CCDC83: variants seen among roughly 807,000 people sequenced by gnomAD.
CCDC83 encodes the protein coiled-coil domain-containing protein 83.
CCDC83 carries 54 observed loss-of-function variants against 50.1 expected under a neutral mutation model. The observed-to-expected ratio is 1.08, with a 90% CI of 0.87 to 1.35. The LOEUF (loss-of-function observed/expected upper bound fraction) is 1.35. Ranked by LOEUF, CCDC83 falls within the 40% of genes most tolerant of loss-of-function variation. CCDC83 has a pLI of 0.00. For synonymous variants in CCDC83, 161 were observed against 153.3 expected, an observed-to-expected ratio of 1.05 and a Z score of -0.37; for missense variants, 518 against 473.9, an observed-to-expected ratio of 1.09 and a Z score of -0.86.
At chr11:85,900,329 C>A (rs900356815) in intron 7 of CCDC83, among the ~76,000 whole-genome samples, 2 of 152,172 alleles carry the variant, frequency 1.3e-5, no homozygotes, top group African/African-American at 2.4e-5. Context: ...GAACACTAAA[C>A]AAATTATCAG....
rs1011128783 is a variant in CCDC83 at position 85,915,499 on chromosome 11, G to A, written c.874+1G>A. 1.0e-5 allele frequency: 16 copies of A among 1,591,218 alleles called. No individual in the cohort carries two copies. Among genetic ancestry groups the A allele is most frequent in the African/African-American group, 1.4e-5 (1 of 73,974 alleles). On this transcript the variant is annotated splice_donor_variant, in intron 9 of 10. Transcript: ENST00000342404. LOFTEE classifies it high-confidence loss of function. Reference sequence around the variant, plus strand: ...TTGGAATTGCCAGAAACACATATAGGTATTACTTTATTGCAATAATGATGA... The same window carrying A: ...TTGGAATTGCCAGAAACACATATAGATATTACTTTATTGCAATAATGATGA...
At position 85,882,556 on chromosome 11, in the gene CCDC83, T is replaced by C. The variant is rs2093306317; in HGVS notation, c.224T>C (p.Leu75Pro). The C allele has an allele frequency of 6.2e-7, 1 of 1,613,940 alleles. No individual in the cohort carries two copies. Among genetic ancestry groups the C allele is most frequent in the Non-Finnish European group, 8.5e-7 (1 of 1,179,890 alleles). ...KEEQIWHIRH[L>P]LKELSEEKAE... Reference sequence around the variant, plus strand: ...GAACAGATTTGGCACATACGGCATCTACTAAAGGAACTGAGTGAAGAGAAG... The same window carrying C: ...GAACAGATTTGGCACATACGGCATCCACTAAAGGAACTGAGTGAAGAGAAG... The change falls in exon 4 of 11, where the codon CTA (leucine) becomes CCA (proline). Residue 75 changes from leucine to proline, a missense_variant. Transcript: ENST00000342404.
chr11:85,886,162 G>A, intron 4 of CCDC83, 38 bp from the exon 5 acceptor site: 1 of 1,475,250 alleles, frequency 6.8e-7, no homozygotes, highest in Non-Finnish European at 9.0e-7. Flanking sequence ...ATGGTTACAA[G>A]GAAAACAGAA....
At chr11:85,898,169 A>AG (rs2093384176) in intron 6 of CCDC83, among the ~76,000 whole-genome samples, 1 of 151,990 alleles carries the variant, frequency 6.6e-6, no homozygotes, top group East Asian at 1.9e-4. Context: ...AAAAAAAAAA[A>AG]AGACTTTAAC....
At chr11:85,917,159 AGAG>A (rs1565159930) in intron 10 of CCDC83, among the ~76,000 whole-genome samples, 43 of 101,778 alleles carry the variant, frequency 4.2e-4, no homozygotes, top group African/African-American at 1.4e-3. Flanking sequence ...AGAGAGAGAG[AGAG>A]AGAGAGAAAG....
chr11:85,898,075 T>C (rs138671452), intron 6 of CCDC83, among the ~76,000 whole-genome samples: 1 of 151,936 alleles, frequency 6.6e-6, no homozygotes, highest in East Asian at 1.9e-4. Flanking sequence ...GAAGAATCTC[T>C]TGAACCCAGG....
intron 4 of CCDC83, 133 bp downstream of exon 4, chr11:85,882,808 A>G: frequency 2.6e-6 from 2 of 777,102 alleles, no homozygotes; most frequent in Non-Finnish European, 4.1e-6. Context: ...CACCGCAGCC[A>G]CAAACACATG....
chr11:85,857,612 C>G (rs1490695589), intron 1 of CCDC83, among the ~76,000 whole-genome samples: 1 of 152,178 alleles, frequency 6.6e-6, no homozygotes, highest in African/African-American at 2.4e-5. Context: ...AAAGTGCCTG[C>G]CATCAATGTC....
At chr11:85,913,114 A>G (rs139953575) in intron 8 of CCDC83, among the ~76,000 whole-genome samples, 362 of 152,310 alleles carry the variant, frequency 2.4e-3, no homozygotes, top group African/African-American at 8.1e-3. Flanking sequence ...GGTTTTCCTG[A>G]GAGTAATAGA....
chr11:85,889,388 C>T (rs1171129936), intron 5 of CCDC83, among the ~76,000 whole-genome samples: 1 of 152,202 alleles, frequency 6.6e-6, no homozygotes, highest in African/African-American at 2.4e-5. Context: ...ATTTCTTTGA[C>T]TTAAAAATTT....
intron 3 of CCDC83, among the ~76,000 whole-genome samples, chr11:85,879,221 G>C (rs550794926): frequency 6.6e-6 from 1 of 152,196 alleles, no homozygotes; most frequent in Admixed American, 6.6e-5. Flanking sequence ...AAATCTCAAA[G>C]ATTTTCTCCT....
intron 5 of CCDC83, among the ~76,000 whole-genome samples, chr11:85,894,540 C>T (rs2093363935): frequency 6.6e-6 from 1 of 152,214 alleles, no homozygotes; most frequent in East Asian, 1.9e-4. Context: ...TTTCTCTGAT[C>T]ACCCGATCTA....
At chr11:85,884,716 A>C (rs1234958285) in intron 4 of CCDC83, among the ~76,000 whole-genome samples, 2 of 152,206 alleles carry the variant, frequency 1.3e-5, no homozygotes, top group Non-Finnish European at 1.5e-5. Context: ...GTTCTAAGAA[A>C]GTAGAAAAAC....
chr11:85,868,445 G>A (rs1426663261), intron 2 of CCDC83, among the ~76,000 whole-genome samples: 1 of 152,172 alleles, frequency 6.6e-6, no homozygotes, highest in Non-Finnish European at 1.5e-5. Context: ...CATGATCTCG[G>A]CTCACTACAA....
intron 7 of CCDC83, among the ~76,000 whole-genome samples, chr11:85,905,299 G>A (rs1048159023): frequency 2.3e-4 from 35 of 151,308 alleles, no homozygotes; most frequent in Non-Finnish European, 2.4e-4. Flanking sequence ...AAAATTAGCC[G>A]GGCGTGATGG....
At chr11:85,898,025 G>T (rs2093383107) in intron 6 of CCDC83, among the ~76,000 whole-genome samples, 1 of 152,032 alleles carries the variant, frequency 6.6e-6, no homozygotes, top group Non-Finnish European at 1.5e-5. Context: ...AGGCACAGTG[G>T]TGGGCGCCTG....
At chr11:85,909,191 C>T (rs1034814832) in intron 7 of CCDC83, among the ~76,000 whole-genome samples, 2 of 152,130 alleles carry the variant, frequency 1.3e-5, no homozygotes, top group African/African-American at 4.8e-5. Flanking sequence ...CATGTGGTAA[C>T]ATATTGAATG....
rs149622577 is a variant in CCDC83, at chr11:85,871,428, T to C, written c.96-1783T>C. On this transcript the variant is annotated intron_variant, in intron 2 of 10. Transcript: ENST00000342404. ...CATAGTATCCAAACGAGCTTTTTTT[T>C]GACCAGTAAAGGATTTTTTTTTAAT... Among the ~76,000 whole-genome samples the C allele has an allele frequency of 3.6e-3, 548 of 152,236 alleles. 5 individuals carry two copies. The highest frequency in any genetic ancestry group is 0.012 in the African/African-American group (514 of 41,548).
chr11:85,865,753 TGGC>T (rs768793269), intron 2 of CCDC83, among the ~76,000 whole-genome samples: 1 of 152,068 alleles, frequency 6.6e-6, no homozygotes, highest in Non-Finnish European at 1.5e-5. Flanking sequence ...TCGGGCATGG[TGGC>T]GCGTGCCTGT....
Sources: allele counts gnomAD v4.1 joint callset (sites outside exome capture counted in the v4.1 genomes callset), GRCh38; gene constraint gnomAD v4.1.1; transcripts MANE v1.5; gene names NCBI Gene and HGNC (gene_info 2026-07-23, HGNC 2026-07-21).